ERC2: variants seen among roughly 807,000 people sequenced by gnomAD.
ERC2 encodes ELKS/RAB6-interacting/CAST family member 2, also known as ERC protein 2.
In ERC2, 42 loss-of-function variants were observed where a neutral mutation model predicts 114.8. That is an observed-to-expected ratio of 0.37 (90% confidence interval 0.29 to 0.47). ERC2 has a LOEUF of 0.47. Among genes scored for constraint, ERC2 ranks in the 20% least tolerant of loss-of-function variants. ERC2 has a pLI of 0.99. For missense variants in ERC2, 939 were observed against 1,150.7 expected, an observed-to-expected ratio of 0.82 and a Z score of 2.66; for synonymous variants, 454 against 425.5, an observed-to-expected ratio of 1.07 and a Z score of -0.82.
intron 2 of ERC2, among the ~76,000 whole-genome samples, chr3:56,399,375 T>C (rs967180376): frequency 2.0e-5 from 3 of 152,224 alleles, no homozygotes; most frequent in African/African-American, 7.2e-5. Flanking sequence ...ACTATAGATA[T>C]GCTAAGCACT....
intron 17 of ERC2, among the ~76,000 whole-genome samples, chr3:55,528,959 A>T (rs2053505450): frequency 6.6e-6 from 1 of 152,208 alleles, no homozygotes; most frequent in Non-Finnish European, 1.5e-5. Context: ...ACATCTTTTA[A>T]GATGAAGACA....
intron 3 of ERC2, among the ~76,000 whole-genome samples, chr3:56,200,955 C>A (rs2048372833): frequency 1.3e-5 from 2 of 152,182 alleles, no homozygotes; most frequent in African/African-American, 4.8e-5. Context: ...TGTTTTTAAG[C>A]TACCATTTAA....
At chr3:56,175,464 A>G (rs2082926997) in intron 3 of ERC2, among the ~76,000 whole-genome samples, 1 of 152,190 alleles carries the variant, frequency 6.6e-6, no homozygotes, top group African/African-American at 2.4e-5. Flanking sequence ...ATCATCTGGC[A>G]ACACTACCAT....
Position 56,330,006 on chromosome 3 carries a change from C to CAT in ERC2, c.658-33573_658-33572dup, listed in dbSNP as rs1185333120. On this transcript the variant is annotated intron_variant, in intron 2 of 17. Coordinates refer to ENST00000288221, the MANE Select transcript of ERC2 (RefSeq NM_015576.3). ...AATATACATATATATTTCCAATAAACATATATATATTTCCAATATATATTT... is the reference window on the plus strand; with the variant it reads ...AATATACATATATATTTCCAATAAACATATATATATATTTCCAATATATATTT... 8.6e-5 allele frequency among the ~76,000 whole-genome samples: 13 copies of CAT among 151,256 alleles called. 1 individual carries two copies. Among genetic ancestry groups the CAT allele is most frequent in the African/African-American group, 2.9e-4 (12 of 41,210 alleles).
intron 3 of ERC2, among the ~76,000 whole-genome samples, chr3:56,278,443 G>T (rs1334783207): frequency 6.6e-6 from 1 of 152,198 alleles, no homozygotes; most frequent in African/African-American, 2.4e-5. Flanking sequence ...GTTGCAAACT[G>T]CAGGACACTA....
chr3:56,245,348 T>C (rs1202000497), intron 3 of ERC2, among the ~76,000 whole-genome samples: 1 of 152,114 alleles, frequency 6.6e-6, no homozygotes, highest in African/African-American at 2.4e-5. Flanking sequence ...ATGTTTGAAC[T>C]TGATCATTTT....
At position 55,835,718 on chromosome 3, in the gene ERC2, C is replaced by A. The variant is rs1259321443; in HGVS notation, c.2564+52671G>T. ...AAGACAGGGATGCCCTCTCTCACCA[C>A]TCCTATTCAGTATAGTGTTGGAAGT... On this transcript the variant is annotated intron_variant, in intron 14 of 17. Coordinates refer to ENST00000288221, the MANE Select transcript of ERC2 (RefSeq NM_015576.3). 3.2e-4 allele frequency among the ~76,000 whole-genome samples: 49 copies of A among 152,280 alleles called. No individual in the cohort carries two copies. The South Asian group carries it at 4.2e-3, about 13-fold the overall frequency.
At chr3:55,908,387 C>T (rs1008937204) in intron 13 of ERC2, among the ~76,000 whole-genome samples, 1 of 151,888 alleles carries the variant, frequency 6.6e-6, no homozygotes, top group African/African-American at 2.4e-5. Context: ...AAAGAGCATT[C>T]TAGCAAGGAA....
At chr3:56,178,660 A>G (rs974064969) in intron 3 of ERC2, among the ~76,000 whole-genome samples, 1 of 152,220 alleles carries the variant, frequency 6.6e-6, no homozygotes, top group East Asian at 1.9e-4. Context: ...TGGGAGGTTC[A>G]GATATTCAAA....
intron 13 of ERC2, among the ~76,000 whole-genome samples, chr3:55,901,371 T>C (rs915580793): frequency 6.6e-6 from 1 of 152,188 alleles, no homozygotes; most frequent in Non-Finnish European, 1.5e-5. Flanking sequence ...TATCAAGATA[T>C]TGGCAGGCTG....
At chr3:55,885,717 T>G (rs55967115) in intron 14 of ERC2, among the ~76,000 whole-genome samples, 16 of 152,156 alleles carry the variant, frequency 1.1e-4, no homozygotes, top group Non-Finnish European at 2.1e-4. Flanking sequence ...CTTCACAAAG[T>G]ATGCTAAACA....
chr3:55,788,658 AC>A (rs2069717821), intron 14 of ERC2, among the ~76,000 whole-genome samples: 1 of 151,898 alleles, frequency 6.6e-6, no homozygotes, highest in Non-Finnish European at 1.5e-5. Flanking sequence ...CTTTGAACAC[AC>A]CCTACCTCTC....
At position 55,911,911 on chromosome 3, in the gene ERC2, T is replaced by C. The variant is rs142845893; in HGVS notation, c.2404-23362A>G. On this transcript the variant is annotated intron_variant, in intron 13 of 17. Coordinates refer to ENST00000288221, the MANE Select transcript of ERC2 (RefSeq NM_015576.3). ...TTGAAAGGTCAAAGGAGCAATTTGA[T>C]TGTGGGTGCTCTATACAGACCACAG... Among the ~76,000 whole-genome samples, 693 of 152,300 alleles carry C rather than the reference T, an allele frequency of 4.6e-3. 6 individuals are homozygous for C. Among genetic ancestry groups the C allele is most frequent in the African/African-American group, 0.016 (653 of 41,570 alleles).
At chr3:55,612,438 G>A (rs2058945788) in intron 17 of ERC2, among the ~76,000 whole-genome samples, 1 of 152,142 alleles carries the variant, frequency 6.6e-6, no homozygotes, top group East Asian at 1.9e-4. Context: ...CTTATTCCCA[G>A]CATCAAGAAA....
chr3:55,922,037 A>G (rs1216211762), intron 13 of ERC2, among the ~76,000 whole-genome samples: 2 of 152,174 alleles, frequency 1.3e-5, no homozygotes, highest in African/African-American at 4.8e-5. Flanking sequence ...GTATTCATTC[A>G]GAAGTCTTCC....
In ERC2 at chr3:56,147,275, A is replaced by G. The variant is rs114936922; in HGVS notation, c.1305+1702T>C. ...GGAGGGACTGCAAGAAAGAAACCAG[A>G]GGAAGGACTGCGCAGGGAAACTTAT... On this transcript the variant is annotated intron_variant, in intron 5 of 17. Coordinates refer to ENST00000288221, the MANE Select transcript of ERC2 (RefSeq NM_015576.3). Among the ~76,000 whole-genome samples, 882 of 152,324 alleles carry G rather than the reference A, an allele frequency of 5.8e-3. 5 individuals carry two copies. The highest frequency in any genetic ancestry group is 7.3e-3 in the Non-Finnish European group (496 of 68,030).
At chr3:56,166,325 T>C (rs1282450318) in intron 4 of ERC2, among the ~76,000 whole-genome samples, 1 of 152,068 alleles carries the variant, frequency 6.6e-6, no homozygotes, top group Non-Finnish European at 1.5e-5. Context: ...TTGCTTGTAA[T>C]TTTCCTTTTT....
intron 14 of ERC2, among the ~76,000 whole-genome samples, chr3:55,756,479 CAGTA>C (rs2067066456): frequency 6.6e-6 from 1 of 152,288 alleles, no homozygotes; most frequent in East Asian, 1.9e-4. Flanking sequence ...TTGGACATGA[CAGTA>C]AGTATTTTTG....
chr3:55,773,611 C>T (rs1449959719), intron 14 of ERC2, among the ~76,000 whole-genome samples: 1 of 152,226 alleles, frequency 6.6e-6, no homozygotes, highest in African/African-American at 2.4e-5. Context: ...CTCTATGAGG[C>T]AGGAATGTTG....
Sources: allele counts gnomAD v4.1 joint callset (sites outside exome capture counted in the v4.1 genomes callset), GRCh38; gene constraint gnomAD v4.1.1; transcripts MANE v1.5; gene names NCBI Gene and HGNC (gene_info 2026-07-23, HGNC 2026-07-21).